The following NFKB1 variants were observed in gnomAD, a reference collection of about 807,000 sequenced individuals.
NFKB1 encodes the protein nuclear factor kappa B subunit 1, also known as nuclear factor NF-kappa-B p105 subunit.
In NFKB1, 9 loss-of-function variants were observed where a neutral mutation model predicts 105.1. The observed-to-expected ratio is 0.09, with a 90% CI of 0.05 to 0.15. The LOEUF is 0.15. Among genes scored for constraint, NFKB1 ranks in the 10% least tolerant of loss-of-function variants. NFKB1 has a pLI of 1.00. For synonymous variants in NFKB1, 440 were observed against 442.2 expected (o/e 1.00, Z 0.06); for missense variants, 830 against 1,203.7 (o/e 0.69, Z 4.59).
In NFKB1 at chr4:102,610,641, G is replaced by A. The variant is rs754851506; in HGVS notation, c.2294G>A (p.Gly765Glu). 2 of 1,614,054 alleles carry A rather than the reference G, an allele frequency of 1.2e-6. No homozygotes were observed. The highest frequency in any genetic ancestry group is 1.1e-5 in the South Asian group (1 of 91,078). ...YDLDDSWENA[G>E]EDEGVVPGTT... ...CTGGATGACTCTTGGGAAAATGCAG[G>A]AGAGGATGAAGGAGTTGTGCCTGGA... Residue 765 changes from glycine (G) to glutamate (E), a missense_variant, in exon 20 of 24, where the codon GGA becomes GAA. By Grantham distance (98) the Gly-to-Glu change is moderately conservative. Transcript: ENST00000226574.
chr4:102,581,489 T>C (rs1034191675), intron 9 of NFKB1, among the ~76,000 whole-genome samples: 1 of 152,100 alleles, frequency 6.6e-6, no homozygotes, highest in Non-Finnish European at 1.5e-5. Flanking sequence ...ATATATACTT[T>C]ATCCAAAAAA....
chr4:102,545,705 C>A (rs144564479), intron 5 of NFKB1, among the ~76,000 whole-genome samples: 224 of 152,230 alleles, frequency 1.5e-3, no homozygotes, highest in African/African-American at 5.2e-3. Flanking sequence ...AAAAATGTTT[C>A]AACCACAGAG....
At chr4:102,566,765 T>C (rs1232008290) in intron 5 of NFKB1, among the ~76,000 whole-genome samples, 1 of 152,164 alleles carries the variant, frequency 6.6e-6, no homozygotes, top group Non-Finnish European at 1.5e-5. Flanking sequence ...CTTCTTGGAG[T>C]GTATCTTCCC....
intron 5 of NFKB1, among the ~76,000 whole-genome samples, chr4:102,566,685 T>C (rs549427943): frequency 6.6e-6 from 1 of 152,312 alleles, no homozygotes; most frequent in South Asian, 2.1e-4. Context: ...GGAGGCTTCA[T>C]GACAACACAG....
intron 1 of NFKB1, among the ~76,000 whole-genome samples, chr4:102,518,750 C>T (rs1057235963): frequency 1.1e-4 from 17 of 152,110 alleles, no homozygotes; most frequent in African/African-American, 3.9e-4. Flanking sequence ...TGGTGCCCTA[C>T]TGCTGTTTGT....
chr4:102,509,860 G>A (rs534477171), intron 1 of NFKB1, among the ~76,000 whole-genome samples: 14 of 152,164 alleles, frequency 9.2e-5, no homozygotes, highest in African/African-American at 2.7e-4. Context: ...CTAACCCATC[G>A]TTCATTTCGC....
intron 7 of NFKB1, among the ~76,000 whole-genome samples, chr4:102,577,453 A>G (rs1209108019): frequency 3.9e-5 from 6 of 151,954 alleles, no homozygotes; most frequent in African/African-American, 1.5e-4. Flanking sequence ...ACCTTCCCCA[A>G]CTCACCTTAT....
intron 15 of NFKB1, 58 bp from the exon 16 acceptor site, chr4:102,600,837 A>C: frequency 1.0e-6 from 1 of 1,001,590 alleles, no homozygotes; most frequent in Non-Finnish European, 1.6e-6. Flanking sequence ...ACATCTTGGG[A>C]ATCTTTTCTT....
intron 7 of NFKB1, 61 bp downstream of exon 7, chr4:102,577,100 A>G: frequency 3.3e-6 from 5 of 1,512,630 alleles, no homozygotes; most frequent in Admixed American, 4.3e-5. Flanking sequence ...TTTCATCTGT[A>G]TGAATTATAT....
At chr4:102,556,635 C>T (rs1045020039) in intron 5 of NFKB1, among the ~76,000 whole-genome samples, 6 of 151,982 alleles carry the variant, frequency 3.9e-5, no homozygotes, top group African/African-American at 1.2e-4. Flanking sequence ...TTTGATGGAT[C>T]GGGGGATTAC....
chr4:102,519,989 C>G (rs558595598), intron 1 of NFKB1, among the ~76,000 whole-genome samples: 14 of 152,246 alleles, frequency 9.2e-5, no homozygotes, highest in African/African-American at 3.1e-4. Context: ...GTTTCTCATG[C>G]TCAGCGTTAT....
intron 20 of NFKB1, 37 bp from the exon 21 acceptor site, chr4:102,612,007 G>C: frequency 5.8e-6 from 9 of 1,557,220 alleles, no homozygotes; most frequent in Non-Finnish European, 8.0e-6. Context: ...TGGTCCCTTC[G>C]ATGTATAACG....
chr4:102,613,698 C>CTG, intron 23 of NFKB1, 117 bp downstream of exon 23: 2 of 1,181,650 alleles, frequency 1.7e-6, no homozygotes, highest in Non-Finnish European at 2.4e-6. Flanking sequence ...ATACACTTCC[C>CTG]TGTGTGTCTC....
intron 16 of NFKB1, 133 bp downstream of exon 16, chr4:102,601,142 T>C (rs1448592388): frequency 3.3e-6 from 2 of 604,492 alleles, no homozygotes; most frequent in Non-Finnish European, 5.8e-6. Flanking sequence ...GTAGGTAATA[T>C]CTAAAATCCC....
chr4:102,576,792 T>C, intron 6 of NFKB1, 84 bp from the exon 7 acceptor site: 1 of 1,410,884 alleles, frequency 7.1e-7, no homozygotes, highest in Non-Finnish European at 9.6e-7. Context: ...TTTTTTTTAA[T>C]TTACAAGTGA....
intron 5 of NFKB1, among the ~76,000 whole-genome samples, chr4:102,541,566 GA>G (rs1742000774): frequency 6.6e-6 from 1 of 152,104 alleles, no homozygotes; most frequent in Non-Finnish European, 1.5e-5. Context: ...TATTACAGAA[GA>G]AAAAGTGAAA....
chr4:102,602,858 A>G (rs1262306351), intron 16 of NFKB1, among the ~76,000 whole-genome samples: 1 of 152,170 alleles, frequency 6.6e-6, no homozygotes, highest in East Asian at 1.9e-4. Context: ...GGTCATTGGT[A>G]TCCGTAAGGT....
Position 102,596,008 on chromosome 4 carries a change from T to C in NFKB1, c.1301-130T>C, listed in dbSNP as rs1726578306. ...GATATGACCATTTTTAAAAGAATTT[T>C]AAATTATTATTTTTCTTTTCCTTTT... On this transcript the variant is annotated intron_variant, in intron 13 of 23. Coordinates refer to ENST00000226574, the MANE Select transcript of NFKB1 (RefSeq NM_003998.4). 4 of 518,948 alleles carry C rather than the reference T, an allele frequency of 7.7e-6. No individual in the cohort carries two copies. In the Middle Eastern group the frequency reaches 1.6e-3, roughly 208 times the overall value. The allele number at this position is 518,948 out of a possible 1,614,324, so 32.1% of individuals were successfully genotyped here. A position where few individuals can be genotyped will look rare whatever the true frequency, so the allele number is the denominator to read the frequency against.
chr4:102,610,709 G>A lies in NFKB1; in HGVS notation c.2352+10G>A, dbSNP rs746596638. 47 of 1,612,504 alleles carry A rather than the reference G, an allele frequency of 2.9e-5. No individual in the cohort carries two copies. Among genetic ancestry groups the A allele is most frequent in the Middle Eastern group, 1.7e-4 (1 of 6,050 alleles). On this transcript the variant is annotated intron_variant, in intron 20 of 23. Transcript: ENST00000226574. ...GGCCACCAGCTGGCAGGTGAGTGCC[G>A]CTCCATCTGTCTGATGGCTGCCCCT...
Sources: gnomAD v4.1 joint callset for allele counts (sites outside exome capture counted in the v4.1 genomes callset) on GRCh38, gnomAD v4.1.1 for gene constraint, MANE v1.5 for transcripts, NCBI Gene and HGNC (gene_info 2026-07-23, HGNC 2026-07-21) for gene names.